The following UBE4B variants were observed in gnomAD, a reference collection of about 807,000 sequenced individuals.
The protein encoded by UBE4B is ubiquitin conjugation factor E4 B.
A neutral mutation model predicts 148.1 loss-of-function variants in UBE4B; 27 were observed. The observed-to-expected ratio is 0.18, with a 90% CI of 0.13 to 0.25. UBE4B has a LOEUF of 0.25. Ranked by LOEUF, UBE4B falls within the 10% of genes least tolerant of loss-of-function variation. The pLI, the probability that UBE4B is intolerant of heterozygous loss-of-function variation, is 1.00. For missense variants in UBE4B, 1,170 were observed against 1,662.4 expected, an observed-to-expected ratio of 0.70 and a Z score of 5.15; for synonymous variants, 596 against 619.3, an observed-to-expected ratio of 0.96 and a Z score of 0.56.
intron 9 of UBE4B, among the ~76,000 whole-genome samples, chr1:10,119,917 A>G (rs1438832136): frequency 2.0e-5 from 3 of 152,344 alleles, no homozygotes; most frequent in South Asian, 2.1e-4. Context: ...GTAACTGACT[A>G]TACAGCAACT....
Position 10,079,289 on chromosome 1 carries a change from G to A in UBE4B, c.211+7075G>A, listed in dbSNP as rs543747716. ...TTTTCCTGCCTCAACCTCCTGAGTAGCTGGGATTACAGGCATGCGCCACCA... is the reference window on the plus strand; with the variant it reads ...TTTTCCTGCCTCAACCTCCTGAGTAACTGGGATTACAGGCATGCGCCACCA... On this transcript the variant is annotated intron_variant, in intron 2 of 27. Coordinates refer to ENST00000343090, the MANE Select transcript of UBE4B (RefSeq NM_001105562.3). Among the ~76,000 whole-genome samples, 14 of 152,240 alleles carry A rather than the reference G, an allele frequency of 9.2e-5. No homozygotes were observed. The South Asian group carries it at 2.9e-3, about 32-fold the overall frequency.
intron 1 of UBE4B, among the ~76,000 whole-genome samples, chr1:10,038,428 C>G (rs1643626973): frequency 6.6e-6 from 1 of 152,162 alleles, no homozygotes; most frequent in African/African-American, 2.4e-5. Flanking sequence ...GTGCCAGGCA[C>G]TTGATAGCTG....
At chr1:10,078,175 A>T (rs925006795) in intron 2 of UBE4B, among the ~76,000 whole-genome samples, 1 of 151,906 alleles carries the variant, frequency 6.6e-6, no homozygotes, top group Non-Finnish European at 1.5e-5. Context: ...CACCTGGCTA[A>T]TTTTTGTATT....
At chr1:10,153,523 A>G (rs1264412866) in intron 21 of UBE4B, among the ~76,000 whole-genome samples, 1 of 148,648 alleles carries the variant, frequency 6.7e-6, no homozygotes, top group Non-Finnish European at 1.5e-5. Flanking sequence ...AAAAAAGGGT[A>G]AAAAGACTGG....
intron 14 of UBE4B, among the ~76,000 whole-genome samples, chr1:10,131,856 G>T (rs137951078): frequency 0.017 from 2,595 of 152,290 alleles, 74 homozygotes; most frequent in Admixed American, 0.075. Context: ...GGGAGGCTGA[G>T]GCAGGAGAAT....
chr1:10,107,297 A>AGATGAT, intron 7 of UBE4B: 1 of 1,289,598 alleles, frequency 7.8e-7, no homozygotes, highest in Non-Finnish European at 1.0e-6. Context: ...ATGAAGAAGA[A>AGATGAT]GATGATGATG....
chr1:10,113,311 G>A (rs1645252418), intron 7 of UBE4B, among the ~76,000 whole-genome samples: 1 of 152,192 alleles, frequency 6.6e-6, no homozygotes, highest in South Asian at 2.1e-4. Flanking sequence ...AGGCATTGGT[G>A]AGGGATCTGC....
chr1:10,100,980 A>T, intron 3 of UBE4B, 128 bp from the exon 4 acceptor site: 1 of 731,880 alleles, frequency 1.4e-6, no homozygotes, highest in South Asian at 1.9e-5. Flanking sequence ...ATAAGAAAAA[A>T]GATGGACCAT....
intron 1 of UBE4B, among the ~76,000 whole-genome samples, chr1:10,059,808 AT>A (rs912413544): frequency 4.0e-5 from 6 of 150,904 alleles, no homozygotes; most frequent in East Asian, 3.9e-4. Context: ...AATTTTAGGC[AT>A]TTTTTTTTCC....
intron 10 of UBE4B, among the ~76,000 whole-genome samples, chr1:10,124,401 T>C (rs1184180904): frequency 1.3e-5 from 2 of 152,142 alleles, no homozygotes; most frequent in African/African-American, 4.8e-5. Context: ...GCCTCAAGGC[T>C]GGTCTTGAAC....
At chr1:10,154,241 CAAAAACAAAACA>C (rs1041700064) in intron 21 of UBE4B, among the ~76,000 whole-genome samples, 3 of 151,704 alleles carry the variant, frequency 2.0e-5, no homozygotes, top group African/African-American at 7.3e-5. Context: ...GACTTCATCT[CAAAAACAAAACA>C]AAAAACAAAA....
At chr1:10,085,548 A>G (rs972804802) in intron 2 of UBE4B, among the ~76,000 whole-genome samples, 2 of 152,152 alleles carry the variant, frequency 1.3e-5, no homozygotes, top group African/African-American at 4.8e-5. Context: ...TTGATAGGGG[A>G]TGCATAATGG....
chr1:10,143,030 C>A (rs1485868013), intron 17 of UBE4B, among the ~76,000 whole-genome samples: 1 of 152,036 alleles, frequency 6.6e-6, no homozygotes, highest in Non-Finnish European at 1.5e-5. Flanking sequence ...ATTATTTGAA[C>A]CCAGGAGGTA....
intron 1 of UBE4B, among the ~76,000 whole-genome samples, chr1:10,063,779 G>T (rs1644332224): frequency 6.6e-6 from 1 of 151,366 alleles, no homozygotes; most frequent in South Asian, 2.1e-4. Flanking sequence ...GTGGTGGCGG[G>T]TGCCTGTAAT....
At chr1:10,174,078 C>T (rs1362518266) in intron 25 of UBE4B, among the ~76,000 whole-genome samples, 1 of 152,122 alleles carries the variant, frequency 6.6e-6, no homozygotes, top group East Asian at 1.9e-4. Flanking sequence ...GTGCCAGTGA[C>T]ACATGGAGAG....
At chr1:10,110,037 A>G (rs1478564800) in intron 7 of UBE4B, among the ~76,000 whole-genome samples, 1 of 152,170 alleles carries the variant, frequency 6.6e-6, no homozygotes, top group Non-Finnish European at 1.5e-5. Flanking sequence ...AAGAAATAGT[A>G]CTTTATCCTT....
At chr1:10,167,141 T>A (rs1646263372) in intron 23 of UBE4B, among the ~76,000 whole-genome samples, 1 of 145,704 alleles carries the variant, frequency 6.9e-6, no homozygotes, top group Admixed American at 7.0e-5. Flanking sequence ...CAAAAAAAAA[T>A]AACAATAATA....
intron 7 of UBE4B, among the ~76,000 whole-genome samples, chr1:10,113,303 G>A (rs1484531760): frequency 2.0e-5 from 3 of 152,162 alleles, no homozygotes; most frequent in Non-Finnish European, 4.4e-5. Context: ...TGTTGCTAAG[G>A]CATTGGTGAG....
rs1251211807 is a variant in UBE4B at position 10,072,019 on chromosome 1, ATGT to A, written c.25-5_25-3del. ...AGTTATAGAATGCCCTTTTCCCCTC[ATGT>A]TGTAGATTCGACGGAGGCGCCTTGC... On this transcript the variant is annotated splice_polypyrimidine_tract_variant and splice_region_variant and intron_variant, in intron 1 of 27. Transcript: ENST00000343090. 2.6e-6 allele frequency: 4 copies of A among 1,568,406 alleles called. No homozygotes were observed. The African/African-American group carries it at 5.5e-5, about 22-fold the overall frequency.
Sources: gnomAD v4.1 joint callset for allele counts (sites outside exome capture counted in the v4.1 genomes callset) on GRCh38, gnomAD v4.1.1 for gene constraint, MANE v1.5 for transcripts, NCBI Gene and HGNC (gene_info 2026-07-23, HGNC 2026-07-21) for gene names.